The following HSD17B11 variants were observed in gnomAD, a reference collection of about 807,000 sequenced individuals.
HSD17B11 encodes the protein hydroxysteroid 17-beta dehydrogenase 11, also known as estradiol 17-beta-dehydrogenase 11.
HSD17B11 carries 22 observed loss-of-function variants against 27.8 expected under a neutral mutation model. That is an observed-to-expected ratio of 0.79 (90% CI 0.56 to 1.13). The LOEUF is 1.13. Among genes scored for constraint, HSD17B11 ranks in the 50% most tolerant of loss-of-function variants. The pLI is 0.00. For synonymous variants in HSD17B11, 117 were observed against 132.8 expected, an observed-to-expected ratio of 0.88 and a Z score of 0.82; for missense variants, 314 against 351.1, an observed-to-expected ratio of 0.89 and a Z score of 0.84.
In HSD17B11 at chr4:87,374,729, A is replaced by T. The variant is rs1735785356; in HGVS notation, c.420T>A (p.Thr140=). 1.2e-6 allele frequency: 2 copies of T among 1,607,308 alleles called. No individual in the cohort carries two copies. The highest frequency in any genetic ancestry group is 1.7e-6 in the Non-Finnish European group (2 of 1,178,492). ...AATGTGCAAGTACATTAACTTCAAA[A>T]GTCTTTTCAATCTGAGGATCTTGTG... is the stretch of plus-strand genomic sequence containing the variant. ...FATQDPQIEK[T]FEVNVLAHFW... is the part of the protein sequence containing the mutation. Residue 140 remains threonine, a synonymous_variant, in exon 3 of 7, where the codon ACT becomes ACA. Coordinates refer to ENST00000358290, the MANE Select transcript of HSD17B11 (RefSeq NM_016245.5).
intron 4 of HSD17B11, among the ~76,000 whole-genome samples, chr4:87,362,801 C>T (rs1330568296): frequency 1.3e-5 from 2 of 152,166 alleles, no homozygotes; most frequent in Non-Finnish European, 1.5e-5. Flanking sequence ...CCTGCTCAAC[C>T]GACAGCAGCA....
intron 4 of HSD17B11, among the ~76,000 whole-genome samples, chr4:87,366,533 G>A (rs1365585405): frequency 1.3e-5 from 2 of 152,118 alleles, no homozygotes; most frequent in Non-Finnish European, 2.9e-5. Context: ...GTATAAATAT[G>A]TTATTGGTAT....
chr4:87,362,263 G>A (rs146905386), intron 4 of HSD17B11, among the ~76,000 whole-genome samples: 2 of 152,314 alleles, frequency 1.3e-5, no homozygotes, highest in East Asian at 3.9e-4. Flanking sequence ...AGTGGCTCAC[G>A]CCTGTAATCC....
At chr4:87,368,782 T>C (rs1735655241) in intron 4 of HSD17B11, among the ~76,000 whole-genome samples, 1 of 152,196 alleles carries the variant, frequency 6.6e-6, no homozygotes, top group African/African-American at 2.4e-5. Flanking sequence ...CTGGTCGTCC[T>C]CACTGCTACA....
In HSD17B11 at chr4:87,391,145, C is replaced by T; in HGVS notation, c.-75G>A. The T allele has an allele frequency of 9.5e-7, 1 of 1,050,728 alleles. No individual in the cohort carries two copies. The highest frequency in any genetic ancestry group is 1.4e-6 in the Non-Finnish European group (1 of 720,672). The allele number at this position is 1,050,728 out of a possible 1,614,324, so 65.1% of individuals were successfully genotyped here. Reference sequence around the variant, plus strand: ...TCTAAACTGCTTTTAGAGGGTAGCTCGATCTAACACCAGAAAGAGTAGGGG... The same window carrying T: ...TCTAAACTGCTTTTAGAGGGTAGCTTGATCTAACACCAGAAAGAGTAGGGG... On this transcript the variant is annotated 5_prime_UTR_variant, in exon 1 of 7. Coordinates refer to ENST00000358290, the MANE Select transcript of HSD17B11 (RefSeq NM_016245.5).
chr4:87,380,617 T>C (rs1350787515), intron 2 of HSD17B11, among the ~76,000 whole-genome samples: 1 of 148,512 alleles, frequency 6.7e-6, no homozygotes, highest in Admixed American at 6.7e-5. Context: ...CCAGCACTTT[T>C]GGAGGCCGAG....
chr4:87,356,970 A>G (rs571922688), intron 5 of HSD17B11, among the ~76,000 whole-genome samples: 23 of 152,340 alleles, frequency 1.5e-4, no homozygotes, highest in African/African-American at 5.5e-4. Flanking sequence ...AAGCCCCAAC[A>G]TAGTTCCCAA....
At chr4:87,378,871 T>C (rs866619177) in intron 2 of HSD17B11, among the ~76,000 whole-genome samples, 1 of 26,238 alleles carries the variant, frequency 3.8e-5, no homozygotes, top group Non-Finnish European at 5.8e-5. Context: ...TATATAAATA[T>C]ATATATATAA....
intron 6 of HSD17B11, among the ~76,000 whole-genome samples, chr4:87,338,260 T>C (rs950389853): frequency 6.6e-6 from 1 of 151,990 alleles, no homozygotes; most frequent in Non-Finnish European, 1.5e-5. Context: ...TGACGGACAC[T>C]AGCAGGTCTC....
At chr4:87,364,759 T>G (rs56390566) in intron 4 of HSD17B11, among the ~76,000 whole-genome samples, 17,898 of 152,296 alleles carry the variant, frequency 0.12, 1,381 homozygotes, top group Admixed American at 0.18. Flanking sequence ...ACCTTTAATT[T>G]TGGAGATCTG....
At chr4:87,346,391 G>A (rs1457954760) in intron 5 of HSD17B11, among the ~76,000 whole-genome samples, 1 of 152,212 alleles carries the variant, frequency 6.6e-6, no homozygotes, top group African/African-American at 2.4e-5. Flanking sequence ...GCTCACGACT[G>A]TAATCCCAAC....
intron 4 of HSD17B11, among the ~76,000 whole-genome samples, chr4:87,358,461 A>T (rs1735434975): frequency 6.6e-6 from 1 of 152,198 alleles, no homozygotes; most frequent in East Asian, 1.9e-4. Context: ...GAAATTACTT[A>T]TTCTAAATGG....
At chr4:87,347,136 T>TA (rs1184774793) in intron 5 of HSD17B11, among the ~76,000 whole-genome samples, 1 of 84,894 alleles carries the variant, frequency 1.2e-5, no homozygotes, top group East Asian at 2.7e-4. Context: ...TTTTTTTTTT[T>TA]ATTATACTCT....
rs1185015850 is a variant in HSD17B11 at position 87,357,328 on chromosome 4, G to C, written c.646C>G (p.Leu216Val). The C allele has an allele frequency of 6.2e-7, 1 of 1,612,712 alleles. No individual in the cohort carries two copies. The highest frequency in any genetic ancestry group is 8.5e-7 in the Non-Finnish European group (1 of 1,179,590). Residue 216 changes from leucine (L) to valine (V), a missense_variant, in exon 5 of 7, where the codon CTG (leucine) becomes GTG (valine). By Grantham distance (32) the Leu-to-Val change is conservative (BLOSUM62 1). Transcript: ENST00000358290. Reference protein sequence around the residue: ...LQITGVKTTCLCPNFVNTGFI... With the variant: ...LQITGVKTTCVCPNFVNTGFI... Reference sequence around the variant, plus strand: ...CCAGTGTTTACGAAATTAGGACACAGACATGTTGTTTTGACTCCAGTTATT... The same window carrying C: ...CCAGTGTTTACGAAATTAGGACACACACATGTTGTTTTGACTCCAGTTATT...
chr4:87,366,591 G>A (rs1292531474), intron 4 of HSD17B11, among the ~76,000 whole-genome samples: 2 of 152,120 alleles, frequency 1.3e-5, no homozygotes, highest in Non-Finnish European at 2.9e-5. Context: ...ATGACTTAGT[G>A]TATGTTACTA....
chr4:87,363,774 T>C (rs1439871220), intron 4 of HSD17B11, among the ~76,000 whole-genome samples: 1 of 152,214 alleles, frequency 6.6e-6, no homozygotes, highest in Non-Finnish European at 1.5e-5. Context: ...AGCTAAGGTT[T>C]TGCACTTTCA....
chr4:87,344,833 A>G (rs1215085732), intron 5 of HSD17B11, among the ~76,000 whole-genome samples: 2 of 152,244 alleles, frequency 1.3e-5, no homozygotes, highest in Non-Finnish European at 2.9e-5. Flanking sequence ...ATCAGAAAAT[A>G]ACAGAAGGAA....
At position 87,336,998 on chromosome 4, in the gene HSD17B11, C is replaced by T. The variant is rs1219631377; in HGVS notation, c.*278G>A. 3.2e-6 allele frequency: 1 copy of T among 308,182 alleles called. No individual in the cohort carries two copies. Among genetic ancestry groups the T allele is most frequent in the Non-Finnish European group, 5.9e-6 (1 of 170,504 alleles). The allele number at this position is 308,182 out of a possible 1,614,324, so 19.1% of individuals were successfully genotyped here. The stretch of plus-strand genomic sequence containing the variant: ...AATTTTGCAAAGCCTTCAGGTGAGC[C>T]ACAAATAATCTTGGAAATTATTTTA... On this transcript the variant is annotated 3_prime_UTR_variant, in exon 7 of 7. Coordinates refer to ENST00000358290, the MANE Select transcript of HSD17B11 (RefSeq NM_016245.5).
In HSD17B11 at chr4:87,370,720, A is replaced by ATAT. The variant is rs1165770162; in HGVS notation, c.557+1986_557+1988dup. On this transcript the variant is annotated intron_variant, in intron 4 of 6. Transcript: ENST00000358290. ...GCGTGAGCCTCCACGCCTGGCCTAG[A>ATAT]TATTATTATTATTATTATTATTATT... is the stretch of plus-strand genomic sequence containing the variant. 1.6e-3 allele frequency among the ~76,000 whole-genome samples: 120 copies of ATAT among 75,364 alleles called. 3 individuals carry two copies. The highest frequency in any genetic ancestry group is 8.1e-3 in the East Asian group (27 of 3,340). The allele number at this position is 75,364 out of a possible 152,430, so 49.4% of individuals were successfully genotyped here. A position where few individuals can be genotyped will look rare whatever the true frequency, so the allele number is the denominator to read the frequency against.
Sources: allele counts gnomAD v4.1 joint callset (sites outside exome capture counted in the v4.1 genomes callset), GRCh38; gene constraint gnomAD v4.1.1; transcripts MANE v1.5; gene names NCBI Gene and HGNC (gene_info 2026-07-23, HGNC 2026-07-21).